Variants in TRIM46 observed in about 807,000 individuals in gnomAD.
The protein encoded by TRIM46 is tripartite motif-containing protein 46.
In TRIM46, 17 loss-of-function variants were observed where a neutral mutation model predicts 69.7. That is an observed-to-expected ratio of 0.24 (90% confidence interval 0.17 to 0.37). The LOEUF (loss-of-function observed/expected upper bound fraction) is 0.37, where lower values mean the gene tolerates loss of function less well. Ranked by LOEUF, TRIM46 falls within the 10% of genes least tolerant of loss-of-function variation. The pLI is 1.00. For synonymous variants in TRIM46, 391 were observed against 429.0 expected (o/e 0.91, Z 1.09); for missense variants, 675 against 1,025.1 (o/e 0.66, Z 4.66).
chr1:155,183,876 A>G lies in TRIM46; in HGVS notation c.1966A>G (p.Ile656Val), dbSNP rs1332770002. Residue 656 changes from isoleucine (I) to valine (V), a missense_variant, in exon 10 of 10, where the codon ATT (isoleucine) becomes GTT (valine). Around this residue, in one of 5 missense-constraint regions of TRIM46, gnomAD observed 108 missense variants for 153.0 expected, o/e 0.71. Coordinates refer to ENST00000334634, the MANE Select transcript of TRIM46 (RefSeq NM_025058.5). ...GTCGCCACCCTTCGCTTTCCTAACC[A>G]TTGGCATGGGCAAGATCCTGCTGGG... ...EASPPFAFLT[I>V]GMGKILLGSG... The G allele has an allele frequency of 3.1e-6, 5 of 1,613,144 alleles. No individual in the cohort carries two copies. Among genetic ancestry groups the G allele is most frequent in the Non-Finnish European group, 3.4e-6 (4 of 1,180,016 alleles).
chr1:155,180,566 G>A (rs1326632246), intron 8 of TRIM46: 2 of 286,400 alleles, frequency 7.0e-6, no homozygotes, highest in Non-Finnish European at 6.5e-6. Flanking sequence ...CTGGACTCCA[G>A]CCTGGACAAC....
In TRIM46 at chr1:155,184,008, G is replaced by C; in HGVS notation, c.2098G>C (p.Gly700Arg). The change falls in exon 10 of 10, where the codon GGC becomes CGC. Residue 700 changes from glycine to arginine, a missense_variant. Gly to Arg is a moderately radical substitution (Grantham distance 125). Coordinates refer to ENST00000334634, the MANE Select transcript of TRIM46 (RefSeq NM_025058.5). This position sits in a 1 kb window ranked among gnomAD's most constrained non-coding sequence, Gnocchi z 5.6. Reference sequence around the variant, plus strand: ...GGGCATCTGCCTGGACTATGAGCGGGGCCGGGTTTCCTTCCTGGATGCTGT... The same window carrying C: ...GGGCATCTGCCTGGACTATGAGCGGCGCCGGGTTTCCTTCCTGGATGCTGT... ...RLGICLDYER[G>R]RVSFLDAVSF... 1.2e-6 allele frequency: 2 copies of C among 1,614,148 alleles called. No individual in the cohort carries two copies. The highest frequency in any genetic ancestry group is 1.7e-6 in the Non-Finnish European group (2 of 1,180,024).
intron 8 of TRIM46, chr1:155,180,451 C>T: frequency 2.3e-6 from 1 of 428,348 alleles, no homozygotes; most frequent in Non-Finnish European, 4.2e-6. Context: ...AAAACTTAGC[C>T]AGGCGTGGTG....
Position 155,176,131 on chromosome 1 carries a change from G to A in TRIM46, c.569G>A (p.Arg190His), listed in dbSNP as rs760224127. 12 of 1,614,044 alleles carry A rather than the reference G, an allele frequency of 7.4e-6. No homozygotes were observed. Among genetic ancestry groups the A allele is most frequent in the African/African-American group, 2.7e-5 (2 of 75,026 alleles). Residue 190 changes from arginine (R) to histidine (H), a missense_variant, in exon 3 of 10, where the codon CGC becomes CAC. Coordinates refer to ENST00000334634, the MANE Select transcript of TRIM46 (RefSeq NM_025058.5). ...LEATKGCTEC[R>H]ATFCNECFKL... is the part of the protein sequence containing the mutation. ...GCCACCAAGGGCTGCACAGAGTGCC[G>A]CGCCACCTTCTGCAATGAGTGCTTC...
In TRIM46 at chr1:155,178,478, T is replaced by G. The variant is rs12737132; in HGVS notation, c.1164-14T>G. On this transcript the variant is annotated splice_polypyrimidine_tract_variant and intron_variant, in intron 6 of 9. Transcript: ENST00000334634. ...CACATGGCAGTGCCTGACCCTTTCT[T>G]GCCCCCATCCCAGGATTGCCCGAGC... 6.2e-7 allele frequency: 1 copy of G among 1,613,536 alleles called. No homozygotes were observed. The highest frequency in any genetic ancestry group is 8.5e-7 in the Non-Finnish European group (1 of 1,179,988).
At position 155,175,749 on chromosome 1, in the gene TRIM46, G is replaced by C. The variant is rs760947973; in HGVS notation, c.325+102G>C. 7 of 1,597,608 alleles carry C rather than the reference G, an allele frequency of 4.4e-6. No individual in the cohort carries two copies. In the Admixed American group the frequency reaches 5.0e-5, roughly 11 times the overall value. ...TCAGAGGCATCTGTCTGTCTTTCTGGGGGGTGGAGATACTGCTTACGCAGG... is the reference window on the plus strand; with the variant it reads ...TCAGAGGCATCTGTCTGTCTTTCTGCGGGGTGGAGATACTGCTTACGCAGG... On this transcript the variant is annotated intron_variant, in intron 2 of 9. Coordinates refer to ENST00000334634, the MANE Select transcript of TRIM46 (RefSeq NM_025058.5). This position sits in a 1 kb window ranked among gnomAD's most constrained non-coding sequence, Gnocchi z 4.2.
chr1:155,182,293 G>A (rs1291386944), intron 9 of TRIM46, 144 bp downstream of exon 9: 1 of 963,334 alleles, frequency 1.0e-6, no homozygotes, highest in Non-Finnish European at 1.5e-6. Context: ...AAGCCAGGCT[G>A]GGAGGCCTGT....
rs747913139 is a variant in TRIM46, at chr1:155,175,802, A to G, written c.326-86A>G. 3 of 1,571,648 alleles carry G rather than the reference A, an allele frequency of 1.9e-6. No homozygotes were observed. Among genetic ancestry groups the G allele is most frequent in the East Asian group, 4.5e-5 (2 of 44,678 alleles). ...CTAATGAGAGCTGAGCTCTGGCACAATGAAAATCTAATTTAATTAAACAGG... is the reference window on the plus strand; with the variant it reads ...CTAATGAGAGCTGAGCTCTGGCACAGTGAAAATCTAATTTAATTAAACAGG... On this transcript the variant is annotated intron_variant, in intron 2 of 9. Transcript: ENST00000334634. The surrounding 1 kb of genome is among the most constrained non-coding windows in gnomAD (Gnocchi z 4.2).
Position 155,183,968 on chromosome 1 carries a change from C to T in TRIM46, c.2058C>T (p.Pro686=). Residue 686 remains proline (P), a synonymous_variant, in exon 10 of 10, where the codon CCC becomes CCT. Transcript: ENST00000334634. ...GCCCCACAGCCGGCTGCACAGTGCC[C>T]CTGCCACCCCGCCTGGGCATCTGCC... ...RDGPTAGCTV[P]LPPRLGICLD... is the part of the protein sequence containing the mutation. The T allele has an allele frequency of 1.2e-6, 2 of 1,614,026 alleles. No individual in the cohort carries two copies. Among genetic ancestry groups the T allele is most frequent in the African/African-American group, 1.3e-5 (1 of 75,064 alleles).
chr1:155,183,909 G>T lies in TRIM46; in HGVS notation c.1999G>T (p.Ala667Ser), dbSNP rs758856150. 2.7e-5 allele frequency: 43 copies of T among 1,613,618 alleles called. No individual in the cohort carries two copies. Among genetic ancestry groups the T allele is most frequent in the Non-Finnish European group, 3.1e-5 (37 of 1,180,046 alleles). ...GGGCAAGATCCTGCTGGGGTCGGGGGCAAGCTCAAACGCAGGGCTGACAGG... is the reference window on the plus strand; with the variant it reads ...GGGCAAGATCCTGCTGGGGTCGGGGTCAAGCTCAAACGCAGGGCTGACAGG... ...GMGKILLGSG[A>S]SSNAGLTGRD... The change falls in exon 10 of 10, where the codon GCA becomes TCA. Residue 667 changes from alanine (A) to serine (S), a missense_variant. Around this residue, in one of 5 missense-constraint regions of TRIM46, gnomAD observed 108 missense variants for 153.0 expected, o/e 0.71. Transcript: ENST00000334634.
At position 155,175,615 on chromosome 1, in the gene TRIM46, A is replaced by G. The variant is rs774330699; in HGVS notation, c.293A>G (p.Lys98Arg). The change falls in exon 2 of 10, where the codon AAG becomes AGG. Residue 98 changes from lysine (K) to arginine (R), a missense_variant. This residue lies in a region of TRIM46 where 170 missense variants were observed against 255.6 expected (regional missense o/e 0.67). Transcript: ENST00000334634. This position sits in a 1 kb window ranked among gnomAD's most constrained non-coding sequence, Gnocchi z 4.2. The stretch of plus-strand genomic sequence containing the variant: ...CGCCTCTCCCGCAGAACTCTCCCCA[A>G]GCCAGACCGCCTGGACCGGCTGCTT... ...SPRLSRRTLP[K>R]PDRLDRLLKS... 3.7e-6 allele frequency: 6 copies of G among 1,613,796 alleles called. No homozygotes were observed. The highest frequency in any genetic ancestry group is 2.2e-5 in the South Asian group (2 of 91,078).
chr1:155,183,881 C>A lies in TRIM46; in HGVS notation c.1971C>A (p.Gly657=), dbSNP rs770399184. 6.2e-7 allele frequency: 1 copy of A among 1,613,394 alleles called. No individual in the cohort carries two copies. Among genetic ancestry groups the A allele is most frequent in the Admixed American group, 1.7e-5 (1 of 60,024 alleles). ...ASPPFAFLTI[G]MGKILLGSGA... is the part of the protein sequence containing the mutation. ...CACCCTTCGCTTTCCTAACCATTGG[C>A]ATGGGCAAGATCCTGCTGGGGTCGG... The change falls in exon 10 of 10, where the codon GGC becomes GGA. Residue 657 remains glycine (G), a synonymous_variant. Transcript: ENST00000334634.
At chr1:155,183,216 C>G (rs918922902) in intron 9 of TRIM46, among the ~76,000 whole-genome samples, 3 of 152,042 alleles carry the variant, frequency 2.0e-5, no homozygotes, top group Non-Finnish European at 4.4e-5. Context: ...GGCCCCAACT[C>G]CCTATTTAAC....
intron 8 of TRIM46, among the ~76,000 whole-genome samples, chr1:155,180,782 T>A (rs1233700222): frequency 1.3e-5 from 2 of 151,318 alleles, no homozygotes; most frequent in African/African-American, 4.9e-5. Flanking sequence ...TGGTGGCGCA[T>A]GCCTGTAATC....
In TRIM46 at chr1:155,184,433, G is replaced by A. The variant is rs1666398165; in HGVS notation, c.*243G>A. ...TTAGCCAGGCCCCCACCCCCACTGA[G>A]TCTGCCCTATGACCTGCCTTTGGCA... On this transcript the variant is annotated 3_prime_UTR_variant, in exon 10 of 10. Transcript: ENST00000334634. This position sits in a 1 kb window ranked among gnomAD's most constrained non-coding sequence, Gnocchi z 5.6. The A allele has an allele frequency of 1.7e-5, 9 of 537,074 alleles. No homozygotes were observed. In the South Asian group the frequency reaches 2.2e-4, roughly 13 times the overall value. The allele number at this position is 537,074 out of a possible 1,614,324, so 33.3% of individuals were successfully genotyped here. A position where few individuals can be genotyped will look rare whatever the true frequency, so the allele number is the denominator to read the frequency against.
rs555508703 is a variant in TRIM46, at chr1:155,179,513, C to A, written c.1286-119C>A. On this transcript the variant is annotated intron_variant, in intron 7 of 9. Coordinates refer to ENST00000334634, the MANE Select transcript of TRIM46 (RefSeq NM_025058.5). ...TTCCCAGATGAGCCCTTCCCCAGCTCCCTCTCACCCACACTCACCCCCCCG... is the reference window on the plus strand; with the variant it reads ...TTCCCAGATGAGCCCTTCCCCAGCTACCTCTCACCCACACTCACCCCCCCG... The A allele has an allele frequency of 1.2e-4, 106 of 870,822 alleles. No individual in the cohort carries two copies. In the East Asian group the frequency reaches 2.6e-3, roughly 21 times the overall value. 53.9% of individuals were successfully genotyped at this position (870,822 alleles called of 1,614,324 possible).
At chr1:155,179,509 A>C in intron 7 of TRIM46, 123 bp from the exon 8 acceptor site, 1 of 827,490 alleles carries the variant, frequency 1.2e-6, no homozygotes, top group Non-Finnish European at 1.9e-6. Flanking sequence ...GCCCTTCCCC[A>C]GCTCCCTCTC....
rs760947973 is a variant in TRIM46, at chr1:155,175,749, G to A, written c.325+102G>A. The A allele has an allele frequency of 1.2e-5, 19 of 1,597,608 alleles. No homozygotes were observed. Among genetic ancestry groups the A allele is most frequent in the South Asian group, 2.2e-5 (2 of 90,668 alleles). ...TCAGAGGCATCTGTCTGTCTTTCTG[G>A]GGGGTGGAGATACTGCTTACGCAGG... On this transcript the variant is annotated intron_variant, in intron 2 of 9. Coordinates refer to ENST00000334634, the MANE Select transcript of TRIM46 (RefSeq NM_025058.5). This position sits in a 1 kb window ranked among gnomAD's most constrained non-coding sequence, Gnocchi z 4.2.
chr1:155,175,241 A>G lies in TRIM46; in HGVS notation c.64-145A>G, dbSNP rs1665545086. 1.3e-6 allele frequency: 2 copies of G among 1,515,934 alleles called. No individual in the cohort carries two copies. The highest frequency in any genetic ancestry group is 2.8e-5 in the African/African-American group (2 of 71,614). 93.9% of individuals were successfully genotyped at this position (1,515,934 alleles called of 1,614,324 possible). A position where few individuals can be genotyped will look rare whatever the true frequency, so the allele number is the denominator to read the frequency against. On this transcript the variant is annotated intron_variant, in intron 1 of 9. Transcript: ENST00000334634. The surrounding 1 kb of genome is among the most constrained non-coding windows in gnomAD (Gnocchi z 4.2). ...AGAGGTCTGGGAAGGTCTGTGAACC[A>G]GCCCAAGGCAGGTGCTCTGGAAAAG...
Sources: gnomAD v4.1 joint callset for allele counts (sites outside exome capture counted in the v4.1 genomes callset) on GRCh38, gnomAD v4.1.1 for gene constraint, gnomAD v4.1.1 regional missense constraint, Gnocchi (gnomAD v3.1) non-coding constraint, MANE v1.5 for transcripts, NCBI Gene and HGNC (gene_info 2026-07-23, HGNC 2026-07-21) for gene names.